Variants in RAPGEF2 observed in about 807,000 individuals in gnomAD.
RAPGEF2 encodes Rap guanine nucleotide exchange factor 2.
In RAPGEF2, 54 loss-of-function variants were observed where a neutral mutation model predicts 186.7. The observed-to-expected ratio is 0.29, with a 90% CI of 0.23 to 0.36. RAPGEF2 has a LOEUF of 0.36. Among genes scored for constraint, RAPGEF2 ranks in the 10% least tolerant of loss-of-function variants. The pLI is 1.00. For synonymous variants in RAPGEF2, 712 were observed against 705.9 expected (o/e 1.01, Z -0.14); for missense variants, 1,532 against 2,045.0 (o/e 0.75, Z 4.84).
intron 19 of RAPGEF2, among the ~76,000 whole-genome samples, chr4:159,340,850 A>G (rs900487759): frequency 6.6e-6 from 1 of 152,216 alleles, no homozygotes; most frequent in Admixed American, 6.6e-5. Flanking sequence ...GCTATTTTCA[A>G]CAAATTGCCT....
intron 3 of RAPGEF2, among the ~76,000 whole-genome samples, chr4:159,202,073 C>T (rs752697645): frequency 5.9e-5 from 9 of 152,134 alleles, no homozygotes; most frequent in Non-Finnish European, 1.0e-4. Flanking sequence ...TCAGTTGTGC[C>T]GAACCTGTCT....
chr4:159,134,111 G>C (rs1299228223), intron 1 of RAPGEF2, among the ~76,000 whole-genome samples: 1 of 152,204 alleles, frequency 6.6e-6, no homozygotes, highest in Non-Finnish European at 1.5e-5. Context: ...GGTCCCTTGT[G>C]CCTTTGTGCC....
At chr4:159,257,923 T>G (rs1756374117) in intron 7 of RAPGEF2, among the ~76,000 whole-genome samples, 1 of 152,170 alleles carries the variant, frequency 6.6e-6, no homozygotes, top group African/African-American at 2.4e-5. Context: ...CATCCCTGAT[T>G]TCTCGTTTCT....
chr4:159,316,600 A>G (rs1764640605), intron 9 of RAPGEF2, among the ~76,000 whole-genome samples: 1 of 152,208 alleles, frequency 6.6e-6, no homozygotes, highest in South Asian at 2.1e-4. Context: ...TAGTTTGCTA[A>G]GGATAATGGC....
intron 7 of RAPGEF2, among the ~76,000 whole-genome samples, chr4:159,256,550 T>C (rs1421472650): frequency 2.0e-5 from 3 of 152,218 alleles, no homozygotes; most frequent in Non-Finnish European, 4.4e-5. Flanking sequence ...TTCTATTCTT[T>C]GGGTATATAC....
At chr4:159,121,671 TA>T (rs1003195040) in intron 1 of RAPGEF2, among the ~76,000 whole-genome samples, 5 of 151,886 alleles carry the variant, frequency 3.3e-5, no homozygotes, top group African/African-American at 1.2e-4. Context: ...ATAAATATAT[TA>T]AAAAAATTTT....
chr4:159,311,995 C>A (rs1764003001), intron 8 of RAPGEF2, among the ~76,000 whole-genome samples: 1 of 152,082 alleles, frequency 6.6e-6, no homozygotes, highest in Non-Finnish European at 1.5e-5. Flanking sequence ...TAGCAAGCAA[C>A]TGTGATCTTT....
At chr4:159,136,344 A>T (rs1051456202) in intron 1 of RAPGEF2, among the ~76,000 whole-genome samples, 4 of 152,138 alleles carry the variant, frequency 2.6e-5, no homozygotes, top group African/African-American at 7.2e-5. Context: ...AAGTTTCTGG[A>T]TGGCTGGGGA....
chr4:159,300,168 G>A, intron 7 of RAPGEF2, among the ~76,000 whole-genome samples: 1 of 150,796 alleles, frequency 6.6e-6, no homozygotes, highest in East Asian at 1.9e-4. Context: ...CTTTATGTAA[G>A]TATTACTTTA....
Position 159,343,490 on chromosome 4 carries a change from A to G in RAPGEF2, c.3254+86A>G, listed in dbSNP as rs954267803. On this transcript the variant is annotated intron_variant, in intron 22 of 29. Coordinates refer to ENST00000691494, the MANE Select transcript of RAPGEF2 (RefSeq NM_001394067.2). ...CAATAAATGATTTTTTTAAAGTTTG[A>G]GTATTTATATTTGTAGTACGGCAGA... The G allele has an allele frequency of 4.5e-6, 7 of 1,540,020 alleles. No homozygotes were observed. In the South Asian group the frequency reaches 4.8e-5, roughly 11 times the overall value.
chr4:159,340,092 A>G (rs1729182853), intron 19 of RAPGEF2, among the ~76,000 whole-genome samples: 1 of 152,242 alleles, frequency 6.6e-6, no homozygotes, highest in Admixed American at 6.5e-5. Context: ...TTTGGTTCTC[A>G]TAGTGGCTGG....
chr4:159,173,432 A>G (rs1746125777), intron 1 of RAPGEF2, among the ~76,000 whole-genome samples: 1 of 152,104 alleles, frequency 6.6e-6, no homozygotes, highest in African/African-American at 2.4e-5. Context: ...TAGAAACTTG[A>G]GGTTTCCTGA....
intron 4 of RAPGEF2, among the ~76,000 whole-genome samples, chr4:159,214,160 A>G (rs1409940808): frequency 6.6e-6 from 1 of 152,224 alleles, no homozygotes; most frequent in South Asian, 2.1e-4. Context: ...CCATAGGTGA[A>G]TATAGAAACA....
At chr4:159,185,279 C>T (rs1465477759) in intron 1 of RAPGEF2, among the ~76,000 whole-genome samples, 1 of 152,156 alleles carries the variant, frequency 6.6e-6, no homozygotes, top group African/African-American at 2.4e-5. Flanking sequence ...AAGAGTCAAA[C>T]ATAGAGTTAC....
intron 1 of RAPGEF2, among the ~76,000 whole-genome samples, chr4:159,109,329 T>G (rs932071822): frequency 6.6e-6 from 1 of 152,084 alleles, no homozygotes; most frequent in Admixed American, 6.6e-5. Flanking sequence ...CCGTTTCTAT[T>G]TAAAAGAAAG....
chr4:159,176,858 A>T (rs1366802625), intron 1 of RAPGEF2, among the ~76,000 whole-genome samples: 3 of 152,174 alleles, frequency 2.0e-5, no homozygotes, highest in African/African-American at 7.2e-5. Flanking sequence ...ATTTTTTTTA[A>T]CGACTTCATT....
intron 25 of RAPGEF2, among the ~76,000 whole-genome samples, chr4:159,348,238 AGATAGATGGATGGATGGATGGATG>A (rs1730643440): frequency 1.6e-5 from 2 of 126,006 alleles, no homozygotes; most frequent in African/African-American, 5.6e-5. Flanking sequence ...ATAGATAGAT[AGATAGATGGATGGATGGATGGATG>A]GATGGATGGA....
intron 1 of RAPGEF2, among the ~76,000 whole-genome samples, chr4:159,121,874 C>CAA (rs35034524): frequency 9.3e-4 from 125 of 133,812 alleles, no homozygotes; most frequent in Middle Eastern, 7.8e-3. Flanking sequence ...ACTAAAAATA[C>CAA]AAAAAAAAAA....
Position 159,339,096 on chromosome 4 carries a change from G to A in RAPGEF2, c.2294-18G>A. On this transcript the variant is annotated intron_variant, in intron 18 of 29. Transcript: ENST00000691494. Reference sequence around the variant, plus strand: ...TAAAATTCTTTCTACTTATGTGTGTGATTTTTCTTTCCCCCAGACTTGCCA... The same window carrying A: ...TAAAATTCTTTCTACTTATGTGTGTAATTTTTCTTTCCCCCAGACTTGCCA... 6.2e-7 allele frequency: 1 copy of A among 1,608,128 alleles called. No individual in the cohort carries two copies. The highest frequency in any genetic ancestry group is 8.5e-7 in the Non-Finnish European group (1 of 1,175,758).
Sources: gnomAD v4.1 joint callset for allele counts (sites outside exome capture counted in the v4.1 genomes callset) on GRCh38, gnomAD v4.1.1 for gene constraint, MANE v1.5 for transcripts, NCBI Gene and HGNC (gene_info 2026-07-23, HGNC 2026-07-21) for gene names.